SYN3: variants seen among roughly 807,000 people sequenced by gnomAD.
SYN3 encodes synapsin III.
Under a neutral mutation model 65.8 loss-of-function variants are expected in SYN3, and 35 were observed. The observed-to-expected ratio is 0.53, with a 90% CI of 0.41 to 0.70. SYN3 has a LOEUF of 0.70. Among genes scored for constraint, SYN3 ranks in the 30% least tolerant of loss-of-function variants. The pLI is 0.00. For synonymous variants in SYN3, 270 were observed against 292.9 expected, an observed-to-expected ratio of 0.92 and a Z score of 0.80; for missense variants, 680 against 749.0, an observed-to-expected ratio of 0.91 and a Z score of 1.08.
chr22:33,034,054 T>C (rs910981637), intron 1 of SYN3, among the ~76,000 whole-genome samples: 4 of 151,472 alleles, frequency 2.6e-5, no homozygotes, highest in African/African-American at 9.7e-5. Context: ...GGTGTGATGG[T>C]GCACACCTGT....
intron 6 of SYN3, among the ~76,000 whole-genome samples, chr22:32,766,121 T>C (rs1003320691): frequency 6.6e-6 from 1 of 152,286 alleles, no homozygotes; most frequent in Admixed American, 6.5e-5. Context: ...TTTGGAGCCA[T>C]ACAATTCTGC....
At chr22:32,731,538 C>G (rs906798841) in intron 6 of SYN3, among the ~76,000 whole-genome samples, 8 of 152,098 alleles carry the variant, frequency 5.3e-5, no homozygotes, top group African/African-American at 1.9e-4. Flanking sequence ...AAGATACAAC[C>G]CAGGCTCTTG....
At chr22:32,725,226 T>C (rs2061174192) in intron 6 of SYN3, among the ~76,000 whole-genome samples, 1 of 152,096 alleles carries the variant, frequency 6.6e-6, no homozygotes. Context: ...CACAGCAGGT[T>C]TTTTTTGCTA....
chr22:32,594,969 A>G (rs905649563), intron 7 of SYN3, among the ~76,000 whole-genome samples: 3 of 152,174 alleles, frequency 2.0e-5, no homozygotes, highest in Admixed American at 1.3e-4. Flanking sequence ...TCTAGGACCC[A>G]CTATGTTGGG....
At chr22:32,782,348 G>A (rs976196350) in intron 6 of SYN3, among the ~76,000 whole-genome samples, 5 of 152,012 alleles carry the variant, frequency 3.3e-5, no homozygotes, top group South Asian at 4.2e-4. Flanking sequence ...GATTACAGGC[G>A]TGTGCCACCA....
At chr22:32,532,537 G>C in intron 10 of SYN3, among the ~76,000 whole-genome samples, 1 of 152,294 alleles carries the variant, frequency 6.6e-6, no homozygotes, top group Non-Finnish European at 1.5e-5. Context: ...TGCTAATGCA[G>C]ATGCAGCTCT....
intron 13 of SYN3, chr22:32,514,497 T>C (rs2146047409): frequency 6.6e-6 from 1 of 152,388 alleles, no homozygotes; most frequent in South Asian, 2.1e-4. Context: ...GCCATCTTTT[T>C]GAATGGCAGA....
intron 10 of SYN3, among the ~76,000 whole-genome samples, chr22:32,529,530 G>A (rs528588145): frequency 2.0e-5 from 3 of 152,324 alleles, no homozygotes; most frequent in African/African-American, 7.2e-5. Context: ...CAGGCGGGAG[G>A]GAAAAGCATT....
At chr22:33,031,425 G>A (rs1024524256) in intron 1 of SYN3, among the ~76,000 whole-genome samples, 1 of 152,008 alleles carries the variant, frequency 6.6e-6, no homozygotes, top group African/African-American at 2.4e-5. Flanking sequence ...AAACAGCCCC[G>A]GAATCCATCT....
intron 6 of SYN3, among the ~76,000 whole-genome samples, chr22:32,603,265 C>A (rs1036894002): frequency 2.6e-5 from 4 of 151,424 alleles, no homozygotes; most frequent in Non-Finnish European, 1.5e-5. Flanking sequence ...GTAATCCCAG[C>A]ACTTTGGCAG....
chr22:32,521,487 C>T (rs547852356), intron 12 of SYN3, among the ~76,000 whole-genome samples: 6 of 135,552 alleles, frequency 4.4e-5, no homozygotes, highest in South Asian at 4.7e-4. Context: ...CACTATTATC[C>T]GGGCTAGAGT....
rs2058195369 is a variant in SYN3, at chr22:32,538,104, G to A, written c.924C>T (p.Thr308=). 1.2e-6 allele frequency: 2 copies of A among 1,614,066 alleles called. No individual in the cohort carries two copies. Among genetic ancestry groups the A allele is most frequent in the South Asian group, 1.1e-5 (1 of 91,090 alleles). Reference sequence around the variant, plus strand: ...TGGCCTTCCAGTTCCCAGAGATGGAGGTTCTCCTGTACCAGAACAAACAAC... The same window carrying A: ...TGGCCTTCCAGTTCCCAGAGATGGAAGTTCTCCTGTACCAGAACAAACAAC... ...IGSNYKAYMR[T]SISGNWKANT... is the part of the protein sequence containing the mutation. The change falls in exon 9 of 14, where the codon ACC becomes ACT. Residue 308 remains threonine (T), a synonymous_variant. Coordinates refer to ENST00000358763, the MANE Select transcript of SYN3 (RefSeq NM_003490.4).
chr22:32,795,291 T>A (rs1224812261), intron 6 of SYN3, among the ~76,000 whole-genome samples: 3 of 152,186 alleles, frequency 2.0e-5, no homozygotes, highest in African/African-American at 4.8e-5. Flanking sequence ...ATGTCACTAT[T>A]GAAATTGTCA....
rs190414864 is a variant in SYN3 at position 33,044,640 on chromosome 22, C to T, written c.-163+13652G>A. Among the ~76,000 whole-genome samples, 882 of 151,888 alleles carry T rather than the reference C, an allele frequency of 5.8e-3. 1 individual carries two copies. The highest frequency in any genetic ancestry group is 7.6e-3 in the Non-Finnish European group (514 of 67,964). On this transcript the variant is annotated intron_variant, in intron 1 of 13. Transcript: ENST00000358763. The stretch of plus-strand genomic sequence containing the variant: ...GTCATTTCTCCAACTTTCTCCAAGT[C>T]GGAATTCCTACTAAATGCTGAAATC...
chr22:32,980,371 C>T (rs1414989697), intron 3 of SYN3, among the ~76,000 whole-genome samples: 1 of 152,208 alleles, frequency 6.6e-6, no homozygotes, highest in Non-Finnish European at 1.5e-5. Context: ...CTGCCCATTT[C>T]CATCAGAGCA....
chr22:32,717,880 C>A (rs1259740911), intron 6 of SYN3, among the ~76,000 whole-genome samples: 2 of 152,166 alleles, frequency 1.3e-5, no homozygotes, highest in African/African-American at 4.8e-5. Context: ...TATGGCCTCA[C>A]CCCGTGGCGG....
At chr22:32,716,001 G>A (rs1259033159) in intron 6 of SYN3, among the ~76,000 whole-genome samples, 1 of 152,154 alleles carries the variant, frequency 6.6e-6, no homozygotes, top group African/African-American at 2.4e-5. Flanking sequence ...GGAGGTGGCT[G>A]TCAGCTGAGC....
chr22:32,734,310 C>G (rs1041207259), intron 6 of SYN3, among the ~76,000 whole-genome samples: 2 of 152,234 alleles, frequency 1.3e-5, no homozygotes, highest in African/African-American at 4.8e-5. Flanking sequence ...CTTATCCGCT[C>G]TATCATCTTA....
intron 6 of SYN3, among the ~76,000 whole-genome samples, chr22:32,615,266 C>A (rs1282341963): frequency 6.6e-6 from 1 of 151,672 alleles, no homozygotes; most frequent in South Asian, 2.1e-4. Flanking sequence ...GAAAGCCGGT[C>A]TCTACTAAAA....
Sources: allele counts gnomAD v4.1 joint callset (sites outside exome capture counted in the v4.1 genomes callset), GRCh38; gene constraint gnomAD v4.1.1; transcripts MANE v1.5; gene names NCBI Gene and HGNC (gene_info 2026-07-23, HGNC 2026-07-21).